Variants in NRXN3 observed in about 807,000 individuals in gnomAD.
NRXN3 encodes neurexin III.
A neutral mutation model predicts 137.6 loss-of-function variants in NRXN3; 32 were observed. That is an observed-to-expected ratio of 0.23 (90% CI 0.18 to 0.31). The LOEUF (loss-of-function observed/expected upper bound fraction) is 0.31. Among genes scored for constraint, NRXN3 ranks in the 10% least tolerant of loss-of-function variants. The pLI, the probability that NRXN3 is intolerant of heterozygous loss-of-function variation, is 1.00. For missense variants in NRXN3, 1,574 were observed against 2,062.5 expected (o/e 0.76, Z 4.59); for synonymous variants, 798 against 784.5 (o/e 1.02, Z -0.29).
chr14:78,885,668 C>T (rs1466563345), intron 10 of NRXN3, among the ~76,000 whole-genome samples: 3 of 151,896 alleles, frequency 2.0e-5, no homozygotes, highest in African/African-American at 7.3e-5. Context: ...AAATTGTAAT[C>T]CAAAAGCAAA....
At chr14:79,498,711 C>T (rs896770455) in intron 16 of NRXN3, among the ~76,000 whole-genome samples, 1 of 152,232 alleles carries the variant, frequency 6.6e-6, no homozygotes, top group Non-Finnish European at 1.5e-5. Context: ...CTCTACTACT[C>T]GAAGCCACTC....
chr14:79,277,036 A>ACACTGAAATTTCAGACAG (rs1362270453), intron 15 of NRXN3, among the ~76,000 whole-genome samples: 1 of 152,162 alleles, frequency 6.6e-6, no homozygotes, highest in Non-Finnish European at 1.5e-5. Flanking sequence ...ATAATTTCAG[A>ACACTGAAATTTCAGACAG]CACTGGAGAG....
intron 15 of NRXN3, among the ~76,000 whole-genome samples, chr14:79,226,814 CTTTTTTTTT>C (rs3035642): frequency 5.1e-5 from 5 of 98,476 alleles, no homozygotes; most frequent in Non-Finnish European, 8.1e-5. Flanking sequence ...TCCTTTTTTT[CTTTTTTTTT>C]TTTTTTTTTT....
At chr14:79,172,068 A>G (rs531531908) in intron 15 of NRXN3, among the ~76,000 whole-genome samples, 7 of 152,256 alleles carry the variant, frequency 4.6e-5, no homozygotes, top group African/African-American at 1.4e-4. Context: ...TGATGGGAGC[A>G]TATTTTAAAA....
Position 78,303,707 on chromosome 14 carries a change from T to C in NRXN3, c.757+5847T>C, listed in dbSNP as rs563760814. Among the ~76,000 whole-genome samples the C allele has an allele frequency of 5.3e-5, 8 of 152,306 alleles. No individual in the cohort carries two copies. The South Asian group carries it at 1.2e-3, about 24-fold the overall frequency. ...ACTGCATTCTCCTGCCTTTGGACTT[T>C]TGCTAAAGCTCTATTCTCTTTCTTA... On this transcript the variant is annotated intron_variant, in intron 4 of 20. Transcript: ENST00000335750.
At chr14:79,028,146 A>G (rs752656115) in intron 15 of NRXN3, among the ~76,000 whole-genome samples, 6 of 152,138 alleles carry the variant, frequency 3.9e-5, no homozygotes, top group Non-Finnish European at 5.9e-5. Flanking sequence ...GGTATGCTGA[A>G]AGTTAGTGGC....
intron 15 of NRXN3, among the ~76,000 whole-genome samples, chr14:79,244,634 G>T (rs1326365301): frequency 4.6e-5 from 7 of 152,066 alleles, no homozygotes; most frequent in African/African-American, 1.7e-4. Context: ...ATCTGTACTG[G>T]CTCTGTTCAC....
chr14:78,190,539 C>A (rs2060616626), intron 1 of NRXN3, among the ~76,000 whole-genome samples: 1 of 152,114 alleles, frequency 6.6e-6, no homozygotes, highest in East Asian at 1.9e-4. Flanking sequence ...GACAGAATGA[C>A]AATGACAACC....
At chr14:78,817,378 A>G (rs1340530872) in intron 10 of NRXN3, among the ~76,000 whole-genome samples, 2 of 152,252 alleles carry the variant, frequency 1.3e-5, no homozygotes, top group African/African-American at 4.8e-5. Context: ...AAAAGAGAGT[A>G]TGCTTTGTCT....
intron 4 of NRXN3, among the ~76,000 whole-genome samples, chr14:78,558,080 C>A (rs557350321): frequency 6.6e-6 from 1 of 152,302 alleles, no homozygotes; most frequent in East Asian, 1.9e-4. Context: ...AGCATTTGAA[C>A]CTAGATGGTT....
At chr14:78,733,475 A>G (rs2098526607) in intron 8 of NRXN3, among the ~76,000 whole-genome samples, 1 of 152,226 alleles carries the variant, frequency 6.6e-6, no homozygotes, top group Non-Finnish European at 1.5e-5. Context: ...AAATGCGACC[A>G]TCCAAGCAAA....
intron 15 of NRXN3, among the ~76,000 whole-genome samples, chr14:79,126,308 A>G (rs1362617276): frequency 7.9e-5 from 12 of 151,724 alleles, no homozygotes; most frequent in South Asian, 2.1e-4. Flanking sequence ...TATATCTCCC[A>G]ATGCTATCCC....
chr14:79,778,749 T>G (rs2099105244), intron 19 of NRXN3, among the ~76,000 whole-genome samples: 1 of 152,214 alleles, frequency 6.6e-6, no homozygotes, highest in Admixed American at 6.5e-5. Flanking sequence ...TTGTTCAATT[T>G]CTTATACGTT....
chr14:79,651,397 G>A (rs1166180937), intron 16 of NRXN3, among the ~76,000 whole-genome samples: 1 of 152,192 alleles, frequency 6.6e-6, no homozygotes, highest in Admixed American at 6.5e-5. Flanking sequence ...CTATGCACTT[G>A]TCTTGCTAGC....
chr14:79,849,249 T>A (rs949039684), intron 20 of NRXN3, among the ~76,000 whole-genome samples: 1 of 152,174 alleles, frequency 6.6e-6, no homozygotes, highest in African/African-American at 2.4e-5. Flanking sequence ...GCCAAAGTAA[T>A]CTTTAAGAAG....
chr14:78,175,294 C>G (rs17754610), intron 1 of NRXN3, among the ~76,000 whole-genome samples: 1 of 152,098 alleles, frequency 6.6e-6, no homozygotes, highest in Non-Finnish European at 1.5e-5. Context: ...GACAGGGTTA[C>G]GTCATTGCCA....
chr14:78,498,626 A>G (rs1166740243), intron 4 of NRXN3, among the ~76,000 whole-genome samples: 2 of 152,126 alleles, frequency 1.3e-5, no homozygotes, highest in Non-Finnish European at 2.9e-5. Context: ...ATACACTTAT[A>G]TTTGTTATGA....
At chr14:79,273,839 G>A (rs1483256863) in intron 15 of NRXN3, among the ~76,000 whole-genome samples, 1 of 151,838 alleles carries the variant, frequency 6.6e-6, no homozygotes, top group African/African-American at 2.4e-5. Flanking sequence ...GCTCACACCT[G>A]TAATGCCAGC....
At chr14:78,433,640 C>T (rs2093966286) in intron 4 of NRXN3, among the ~76,000 whole-genome samples, 1 of 152,094 alleles carries the variant, frequency 6.6e-6, no homozygotes, top group African/African-American at 2.4e-5. Flanking sequence ...GTTTAGCTCC[C>T]TTCCCTTTTC....
Sources: gnomAD v4.1 joint callset for allele counts (sites outside exome capture counted in the v4.1 genomes callset) on GRCh38, gnomAD v4.1.1 for gene constraint, MANE v1.5 for transcripts, NCBI Gene and HGNC (gene_info 2026-07-23, HGNC 2026-07-21) for gene names.